Variants in PCM1 observed in about 807,000 individuals in gnomAD.
PCM1 encodes the protein pericentriolar material 1 protein.
In PCM1, 157 loss-of-function variants were observed where a neutral mutation model predicts 241.9. The ratio of observed to expected loss-of-function variants is 0.65; its 90% confidence interval spans 0.57 to 0.74. PCM1 has a LOEUF of 0.74. Ranked by LOEUF, PCM1 falls within the 30% of genes least tolerant of loss-of-function variation. The pLI, the probability that PCM1 is intolerant of heterozygous loss-of-function variation, is 0.00. For synonymous variants in PCM1, 1,085 were observed against 784.9 expected (o/e 1.38, Z -6.39); for missense variants, 3,478 against 2,360.1 (o/e 1.47, Z -9.81).
At chr8:18,026,749 C>A (rs1320117784) in intron 38 of PCM1, among the ~76,000 whole-genome samples, 1 of 151,998 alleles carries the variant, frequency 6.6e-6, no homozygotes, top group Admixed American at 6.6e-5. Context: ...TTTTTACTTT[C>A]AATTTTGGTT....
intron 13 of PCM1, among the ~76,000 whole-genome samples, chr8:17,959,620 TTCTA>T (rs2070664465): frequency 6.6e-6 from 1 of 152,182 alleles, no homozygotes; most frequent in South Asian, 2.1e-4. Context: ...GTATTTATAT[TTCTA>T]TATGTATAGA....
intron 36 of PCM1, among the ~76,000 whole-genome samples, chr8:18,024,590 A>G (rs771091666): frequency 9.9e-5 from 15 of 152,172 alleles, no homozygotes; most frequent in Non-Finnish European, 1.9e-4. Context: ...AATTGAAATT[A>G]AGTCAAAGGT....
chr8:17,929,268 G>A (rs546226073), intron 2 of PCM1, among the ~76,000 whole-genome samples: 10 of 152,178 alleles, frequency 6.6e-5, no homozygotes, highest in Non-Finnish European at 1.3e-4. Context: ...CTTTTGGCAG[G>A]CTCTCCTGGT....
chr8:18,017,145 A>G (rs1334436512), intron 36 of PCM1, among the ~76,000 whole-genome samples: 1 of 137,924 alleles, frequency 7.3e-6, no homozygotes, highest in Non-Finnish European at 1.6e-5. Flanking sequence ...CTACAAAAAC[A>G]ACTGGAAAAC....
In PCM1 at chr8:17,971,401, A is replaced by G. The variant is rs541887090; in HGVS notation, c.3585-928A>G. Among the ~76,000 whole-genome samples, 11 of 152,326 alleles carry G rather than the reference A, an allele frequency of 7.2e-5. No individual in the cohort carries two copies. In the South Asian group the frequency reaches 2.3e-3, roughly 32 times the overall value. ...AGAGATTTATAAAGCACATTGGCATATTAAAAGTTGTGAGATATTTTACAG... is the reference window on the plus strand; with the variant it reads ...AGAGATTTATAAAGCACATTGGCATGTTAAAAGTTGTGAGATATTTTACAG... On this transcript the variant is annotated intron_variant, in intron 22 of 38. Transcript: ENST00000325083.
intron 24 of PCM1, among the ~76,000 whole-genome samples, chr8:17,982,368 T>C (rs1366725966): frequency 6.6e-6 from 1 of 152,162 alleles, no homozygotes; most frequent in Non-Finnish European, 1.5e-5. Context: ...AAATAATAAT[T>C]GGACATAGTA....
chr8:18,017,990 G>A (rs1347380078), intron 36 of PCM1, among the ~76,000 whole-genome samples: 1 of 152,202 alleles, frequency 6.6e-6, no homozygotes, highest in Non-Finnish European at 1.5e-5. Context: ...CAGCATCAGT[G>A]GGAGTCACGT....
At chr8:17,934,133 C>T (rs1370323989) in intron 2 of PCM1, among the ~76,000 whole-genome samples, 2 of 152,060 alleles carry the variant, frequency 1.3e-5, no homozygotes, top group Admixed American at 6.6e-5. Context: ...ATCAAAACAT[C>T]TGTGGGACAA....
intron 36 of PCM1, among the ~76,000 whole-genome samples, chr8:18,021,112 T>G (rs937413422): frequency 4.6e-5 from 7 of 152,200 alleles, no homozygotes; most frequent in African/African-American, 1.7e-4. Flanking sequence ...AACAATGCTG[T>G]GCACTTGAGT....
At chr8:17,944,913 T>A (rs1325714646) in intron 6 of PCM1, among the ~76,000 whole-genome samples, 1 of 152,174 alleles carries the variant, frequency 6.6e-6, no homozygotes, top group African/African-American at 2.4e-5. Context: ...TCTTTATGAT[T>A]AGGTTATCAC....
In PCM1 at chr8:17,935,594, T is replaced by C. The variant is rs2060186042; in HGVS notation, c.-17T>C. 3 of 1,158,200 alleles carry C rather than the reference T, an allele frequency of 2.6e-6. No individual in the cohort carries two copies. The highest frequency in any genetic ancestry group is 3.9e-6 in the Non-Finnish European group (3 of 766,044). The allele number at this position is 1,158,200 out of a possible 1,614,324, so 71.7% of individuals were successfully genotyped here. On this transcript the variant is annotated 5_prime_UTR_variant, in exon 3 of 39. Coordinates refer to ENST00000325083, the MANE Select transcript of PCM1 (RefSeq NM_006197.4). ...GTTCTTAACTTGTTTCGCAGAGAGT[T>C]AATTGTTAAATCCAGTATGGCCACA...
rs994424632 is a variant in PCM1 at position 18,011,090 on chromosome 8, T to A, written c.5221-147T>A. 5.5e-6 allele frequency: 3 copies of A among 549,144 alleles called. No individual in the cohort carries two copies. In the African/African-American group the frequency reaches 5.9e-5, roughly 11 times the overall value. The allele number at this position is 549,144 out of a possible 1,614,324, so 34.0% of individuals were successfully genotyped here. Reference sequence around the variant, plus strand: ...TCAAATGACCTTTTTCCTGACACTTTTTTATTTTAAAAATAAAACTAGACT... The same window carrying A: ...TCAAATGACCTTTTTCCTGACACTTATTTATTTTAAAAATAAAACTAGACT... On this transcript the variant is annotated intron_variant, in intron 32 of 38. Transcript: ENST00000325083.
chr8:17,956,919 T>C (rs1405604903), intron 11 of PCM1, 142 bp downstream of exon 11: 5 of 681,402 alleles, frequency 7.3e-6, no homozygotes, highest in South Asian at 5.8e-5. Flanking sequence ...TGTAATCATC[T>C]CTGCCCTGTG....
At position 17,983,025 on chromosome 8, in the gene PCM1, C is replaced by T. The variant is rs577626488; in HGVS notation, c.4108+2270C>T. On this transcript the variant is annotated intron_variant, in intron 24 of 38. Transcript: ENST00000325083. ...AGAAGTTTATTATGATAGTCATCAT[C>T]GGTCGCCTTAATATACGTTTATAGC... 4.7e-4 allele frequency among the ~76,000 whole-genome samples: 72 copies of T among 152,264 alleles called. 2 individuals carry two copies. In the South Asian group the frequency reaches 0.014, roughly 30 times the overall value.
chr8:17,975,051 C>T (rs1206944289), intron 23 of PCM1, among the ~76,000 whole-genome samples: 2 of 152,066 alleles, frequency 1.3e-5, no homozygotes, highest in South Asian at 4.1e-4. Flanking sequence ...GCTTTTGGGC[C>T]TCACCTTATG....
chr8:17,927,952 A>AC (rs1554594562), intron 2 of PCM1: 9 of 151,528 alleles, frequency 5.9e-5, no homozygotes, highest in African/African-American at 1.7e-4. Flanking sequence ...AAAAAAAAAA[A>AC]AACCACTAAG....
intron 2 of PCM1, chr8:17,924,992 A>G (rs1218473747): frequency 6.6e-6 from 1 of 152,144 alleles, no homozygotes; most frequent in Non-Finnish European, 1.5e-5. Context: ...TGTCATTCCT[A>G]ATTATTAATT....
At chr8:17,931,853 G>T (rs2059135362) in intron 2 of PCM1, among the ~76,000 whole-genome samples, 1 of 151,884 alleles carries the variant, frequency 6.6e-6, no homozygotes, top group African/African-American at 2.4e-5. Flanking sequence ...ACTTCTATGG[G>T]TATTATTTTT....
chr8:17,953,542 G>A (rs752847073), intron 9 of PCM1, among the ~76,000 whole-genome samples: 1 of 151,886 alleles, frequency 6.6e-6, no homozygotes, highest in Non-Finnish European at 1.5e-5. Flanking sequence ...AATCCAGTTA[G>A]TACTTTGATT....
Sources: allele counts gnomAD v4.1 joint callset (sites outside exome capture counted in the v4.1 genomes callset), GRCh38; gene constraint gnomAD v4.1.1; transcripts MANE v1.5; gene names NCBI Gene and HGNC (gene_info 2026-07-23, HGNC 2026-07-21).